Variants in GNAL observed in about 807,000 individuals in gnomAD.
GNAL encodes the protein guanine nucleotide-binding protein G(olf) subunit alpha.
In GNAL, 18 loss-of-function variants were observed where a neutral mutation model predicts 55.1. The observed-to-expected ratio is 0.33, with a 90% confidence interval of 0.23 to 0.48. The LOEUF is 0.48. Among genes scored for constraint, GNAL ranks in the 20% least tolerant of loss-of-function variants. The probability of loss-of-function intolerance (pLI) is 0.99; values close to 1 mark genes in which losing one functional copy is unlikely to be tolerated. For synonymous variants in GNAL, 253 were observed against 237.0 expected (o/e 1.07, Z -0.62); for missense variants, 412 against 614.1 (o/e 0.67, Z 3.48).
intron 5 of GNAL, among the ~76,000 whole-genome samples, chr18:11,854,787 A>C (rs2035965616): frequency 6.6e-6 from 1 of 152,128 alleles, no homozygotes; most frequent in Non-Finnish European, 1.5e-5. Flanking sequence ...GTCTCAAAAA[A>C]AGGAAAAAAA....
At chr18:11,788,914 A>AAAAAAAAATATATATATAT (rs60071996) in intron 4 of GNAL, among the ~76,000 whole-genome samples, 2 of 56,300 alleles carry the variant, frequency 3.6e-5, no homozygotes, top group African/African-American at 1.0e-4. Context: ...AAAAAAAAAA[A>AAAAAAAAATATATATATAT]ATATATATAT....
intron 9 of GNAL, among the ~76,000 whole-genome samples, chr18:11,869,116 T>C (rs779264889): frequency 4.0e-5 from 6 of 151,856 alleles, no homozygotes; most frequent in Non-Finnish European, 8.8e-5. Flanking sequence ...TGTATAGATA[T>C]ACTTAAAATG....
intron 4 of GNAL, among the ~76,000 whole-genome samples, chr18:11,794,965 C>T (rs2034339823): frequency 6.6e-6 from 1 of 152,124 alleles, no homozygotes; most frequent in Non-Finnish European, 1.5e-5. Flanking sequence ...GCCTCAGCCT[C>T]CTGAGTAGCT....
At chr18:11,766,613 C>T (rs2033414047) in intron 4 of GNAL, among the ~76,000 whole-genome samples, 1 of 152,044 alleles carries the variant, frequency 6.6e-6, no homozygotes, top group Non-Finnish European at 1.5e-5. Context: ...AAAATGTTAC[C>T]GTAGTTAATC....
Position 11,868,126 on chromosome 18 carries a change from G to A in GNAL, c.911-417G>A, listed in dbSNP as rs1341871577. ...GGCAACAAGAGTGAAACTCTGTCTCGGAAGAAAATACAAAAATACAAAAAT... is the reference window on the plus strand; with the variant it reads ...GGCAACAAGAGTGAAACTCTGTCTCAGAAGAAAATACAAAAATACAAAAAT... On this transcript the variant is annotated intron_variant, in intron 8 of 11. Coordinates refer to ENST00000334049, the MANE Select transcript of GNAL (RefSeq NM_182978.4). The surrounding 1 kb of genome is among the most constrained non-coding windows in gnomAD (Gnocchi z 4.0). Among the ~76,000 whole-genome samples the A allele has an allele frequency of 6.8e-6, 1 of 147,500 alleles. No homozygotes were observed. Among genetic ancestry groups the A allele is most frequent in the Non-Finnish European group, 1.5e-5 (1 of 66,992 alleles).
intron 1 of GNAL, among the ~76,000 whole-genome samples, chr18:11,731,611 C>G (rs1434943561): frequency 6.6e-6 from 1 of 152,178 alleles, no homozygotes; most frequent in African/African-American, 2.4e-5. Context: ...CAATTGAATT[C>G]CAATCCAGAA....
At position 11,689,707 on chromosome 18, in the gene GNAL, G is replaced by C; in HGVS notation, c.144G>C (p.Thr48=). The C allele has an allele frequency of 2.0e-6, 3 of 1,488,098 alleles. No homozygotes were observed. Among genetic ancestry groups the C allele is most frequent in the Non-Finnish European group, 2.7e-6 (3 of 1,124,796 alleles). 92.2% of individuals were successfully genotyped at this position (1,488,098 alleles called of 1,614,324 possible). A position where few individuals can be genotyped will look rare whatever the true frequency, so the allele number is the denominator to read the frequency against. ...CAGTCCGGGCGGCCGCAAGGGACAC[G>C]GCCCGGACCCTGCTCCCTCGGGGCG... ...LAPVRAAARD[T]ARTLLPRGGE... is the part of the protein sequence containing the mutation. The change falls in exon 1 of 12, where the codon ACG becomes ACC. Residue 48 remains threonine (T), a synonymous_variant. Transcript: ENST00000334049.
At chr18:11,794,282 T>G (rs544978496) in intron 4 of GNAL, among the ~76,000 whole-genome samples, 1 of 152,344 alleles carries the variant, frequency 6.6e-6, no homozygotes, top group South Asian at 2.1e-4. Flanking sequence ...CTCACATTAA[T>G]GTTGATAGCA....
chr18:11,830,202 A>G (rs574570266), intron 5 of GNAL, among the ~76,000 whole-genome samples: 2 of 151,468 alleles, frequency 1.3e-5, no homozygotes, highest in African/African-American at 2.4e-5. Context: ...CTTTACATCT[A>G]AATTGCTCTT....
chr18:11,872,364 C>T lies in GNAL; in HGVS notation c.1128C>T (p.Phe376=). The part of the protein sequence containing the change: ...LAGKSKIEDY[F]PEYANYTVPE... ...GGAAATCAAAAATTGAAGACTATTT[C>T]CCAGAATATGCAAATTATACTGTTC... is the stretch of plus-strand genomic sequence containing the variant. The change falls in exon 10 of 12, where the codon TTC becomes TTT. Residue 376 remains phenylalanine, a synonymous_variant. Transcript: ENST00000334049. 6.4e-7 allele frequency: 1 copy of T among 1,561,282 alleles called. No individual in the cohort carries two copies. Among genetic ancestry groups the T allele is most frequent in the Non-Finnish European group, 8.7e-7 (1 of 1,155,646 alleles).
chr18:11,855,015 G>T (rs1240736577), intron 5 of GNAL, among the ~76,000 whole-genome samples: 1 of 151,434 alleles, frequency 6.6e-6, no homozygotes, highest in Non-Finnish European at 1.5e-5. Context: ...CCACCTCCCA[G>T]GTTCTAGCGA....
At position 11,868,199 on chromosome 18, in the gene GNAL, C is replaced by CT. The variant is rs1243634101; in HGVS notation, c.911-343dup. Among the ~76,000 whole-genome samples, 2 of 151,978 alleles carry CT rather than the reference C, an allele frequency of 1.3e-5. No individual in the cohort carries two copies. The highest frequency in any genetic ancestry group is 2.9e-5 in the Non-Finnish European group (2 of 67,992). ...CCTATAATCCTAGCTACTAGGGAGG[C>CT]TGAGGCAGGAGAATCACTTGAACCT... On this transcript the variant is annotated intron_variant, in intron 8 of 11. Transcript: ENST00000334049. This position sits in a 1 kb window ranked among gnomAD's most constrained non-coding sequence, Gnocchi z 4.0.
At position 11,791,842 on chromosome 18, in the gene GNAL, G is replaced by A. The variant is rs2034246912; in HGVS notation, c.625-33076G>A. ...ACCTCTGCAGTGATCCAGGTGTGCC[G>A]AGAACTCCCGAGGGTCTGCACCACA... On this transcript the variant is annotated intron_variant, in intron 4 of 11. Coordinates refer to ENST00000334049, the MANE Select transcript of GNAL (RefSeq NM_182978.4). Among the ~76,000 whole-genome samples, 7 of 152,086 alleles carry A rather than the reference G, an allele frequency of 4.6e-5. No individual in the cohort carries two copies. The South Asian group carries it at 1.0e-3, about 23-fold the overall frequency.
intron 1 of GNAL, among the ~76,000 whole-genome samples, chr18:11,696,189 G>A: frequency 6.6e-6 from 1 of 152,108 alleles, no homozygotes; most frequent in Admixed American, 6.6e-5. Flanking sequence ...TATTCCTTAT[G>A]TTTCTGAACT....
At position 11,852,126 on chromosome 18, in the gene GNAL, C is replaced by T. The variant is rs756110664; in HGVS notation, c.723-10269C>T. 14 of 1,564,388 alleles carry T rather than the reference C, an allele frequency of 8.9e-6. No individual in the cohort carries two copies. The Admixed American group carries it at 1.1e-4, about 13-fold the overall frequency. On this transcript the variant is annotated intron_variant, in intron 5 of 11. Coordinates refer to ENST00000334049, the MANE Select transcript of GNAL (RefSeq NM_182978.4). ...ATCAAGTGTGACGGCAGAACCCGCTCTGAGGTTTCCTGGCCATAGCCACCC... is the reference window on the plus strand; with the variant it reads ...ATCAAGTGTGACGGCAGAACCCGCTTTGAGGTTTCCTGGCCATAGCCACCC...
intron 4 of GNAL, among the ~76,000 whole-genome samples, chr18:11,783,800 G>A (rs894544166): frequency 1.3e-5 from 2 of 152,072 alleles, no homozygotes; most frequent in African/African-American, 4.8e-5. Flanking sequence ...AAAATCTAGT[G>A]TGTATTTGGC....
At chr18:11,786,037 T>C (rs1162793599) in intron 4 of GNAL, among the ~76,000 whole-genome samples, 1 of 152,214 alleles carries the variant, frequency 6.6e-6, no homozygotes, top group Non-Finnish European at 1.5e-5. Flanking sequence ...AAGGAGATTA[T>C]CAGAAACAGG....
intron 1 of GNAL, among the ~76,000 whole-genome samples, chr18:11,743,871 A>G (rs1207304356): frequency 6.6e-6 from 1 of 151,914 alleles, no homozygotes; most frequent in Non-Finnish European, 1.5e-5. Flanking sequence ...TTTCTCTTAA[A>G]ATACACCAGT....
intron 4 of GNAL, among the ~76,000 whole-genome samples, chr18:11,806,920 G>A (rs1405117719): frequency 1.8e-4 from 28 of 152,058 alleles, no homozygotes. Context: ...GCCCGCCTCG[G>A]CCTCCCACAG....
Sources: gnomAD v4.1 joint callset for allele counts (sites outside exome capture counted in the v4.1 genomes callset) on GRCh38, gnomAD v4.1.1 for gene constraint, Gnocchi (gnomAD v3.1) non-coding constraint, MANE v1.5 for transcripts, NCBI Gene and HGNC (gene_info 2026-07-23, HGNC 2026-07-21) for gene names.